The following LRRC37A2 variants were observed in gnomAD, a reference collection of about 807,000 sequenced individuals.
LRRC37A2 encodes leucine-rich repeat-containing protein 37A2.
LRRC37A2 carries 9 observed loss-of-function variants against 68.8 expected under a neutral mutation model. The observed-to-expected ratio is 0.13, with a 90% CI of 0.08 to 0.23. The LOEUF is 0.23. LRRC37A2 is among the 10% of genes least tolerant of loss of function. The probability of loss-of-function intolerance (pLI) is 1.00; values close to 1 mark genes in which losing one functional copy is unlikely to be tolerated. For missense variants in LRRC37A2, 168 were observed against 950.4 expected, an observed-to-expected ratio of 0.18 and a Z score of 10.82; for synonymous variants, 63 against 367.6, an observed-to-expected ratio of 0.17 and a Z score of 9.48.
chr17:46,825,789 C>G, the LRRC37A2 span, among the ~76,000 whole-genome samples: 2 of 152,136 alleles, frequency 1.3e-5, no homozygotes, highest in South Asian at 4.1e-4. Flanking sequence ...TTTGGGAGGC[C>G]GAGGTGGGCG....
chr17:47,013,363 C>T, the LRRC37A2 span, among the ~76,000 whole-genome samples: 1 of 152,200 alleles, frequency 6.6e-6, no homozygotes, highest in African/African-American at 2.4e-5. Flanking sequence ...AATTATATCT[C>T]AATAAAGCTG....
the LRRC37A2 span, among the ~76,000 whole-genome samples, chr17:46,691,787 C>G: frequency 6.6e-6 from 1 of 151,516 alleles, no homozygotes. Context: ...GAGTCTCACT[C>G]TGTCGCCCAG....
At chr17:46,826,077 G>A in the LRRC37A2 span, among the ~76,000 whole-genome samples, 6 of 152,240 alleles carry the variant, frequency 3.9e-5, no homozygotes, top group Non-Finnish European at 8.8e-5. Context: ...CTCCATCTCA[G>A]GGGTCTTGCG....
chr17:46,973,938 G>C, the LRRC37A2 span, among the ~76,000 whole-genome samples: 1 of 152,288 alleles, frequency 6.6e-6, no homozygotes, highest in South Asian at 2.1e-4. Context: ...AAAGCTCAAG[G>C]CTTCTTTCCA....
At chr17:46,730,907 G>C in the LRRC37A2 span, among the ~76,000 whole-genome samples, 1 of 152,136 alleles carries the variant, frequency 6.6e-6, no homozygotes, top group African/African-American at 2.4e-5. Flanking sequence ...AAAAAGTCAG[G>C]TAATGACAAG....
chr17:46,911,973 G>C, the LRRC37A2 span, among the ~76,000 whole-genome samples: 2 of 152,204 alleles, frequency 1.3e-5, no homozygotes, highest in African/African-American at 4.8e-5. Flanking sequence ...TGAGAGCCCA[G>C]AGTGACCAAT....
chr17:46,838,438 G>A, the LRRC37A2 span, among the ~76,000 whole-genome samples: 1 of 151,928 alleles, frequency 6.6e-6, no homozygotes, highest in Non-Finnish European at 1.5e-5. Flanking sequence ...ACCAGCCTGG[G>A]CAACATACTG....
chr17:46,631,084 A>ACACACACACACACACACACACACACACG, the LRRC37A2 span, among the ~76,000 whole-genome samples: 1 of 145,586 alleles, frequency 6.9e-6, no homozygotes, highest in Admixed American at 6.7e-5. Context: ...ACACACACAC[A>ACACACACACACACACACACACACACACG]CACACACACA....
At chr17:46,847,836 T>C in the LRRC37A2 span, among the ~76,000 whole-genome samples, 1 of 152,104 alleles carries the variant, frequency 6.6e-6, no homozygotes, top group Non-Finnish European at 1.5e-5. Context: ...CCTGAGGGTT[T>C]GTTTCAGGCA....
At chr17:46,722,739 TG>T in the LRRC37A2 span, among the ~76,000 whole-genome samples, 3 of 152,036 alleles carry the variant, frequency 2.0e-5, no homozygotes, top group Non-Finnish European at 4.4e-5. Flanking sequence ...AGGAAGAAAA[TG>T]TACGTGTGAG....
At chr17:46,923,632 G>A in the LRRC37A2 span, 13 of 1,188,136 alleles carry the variant, frequency 1.1e-5, no homozygotes, top group South Asian at 4.2e-5. Flanking sequence ...GGAGAGTCAG[G>A]GCACGTACGG....
At chr17:47,003,620 T>G in the LRRC37A2 span, among the ~76,000 whole-genome samples, 1 of 152,208 alleles carries the variant, frequency 6.6e-6, no homozygotes, top group Non-Finnish European at 1.5e-5. Flanking sequence ...TGGGGTAGCA[T>G]GTTCTTTTTT....
the LRRC37A2 span, among the ~76,000 whole-genome samples, chr17:46,823,188 T>TTATATA: frequency 1.6e-5 from 2 of 125,932 alleles, no homozygotes; most frequent in Admixed American, 9.1e-5. Flanking sequence ...ATATAATATA[T>TTATATA]TATATATATT....
At chr17:46,965,666 A>G in the LRRC37A2 span, among the ~76,000 whole-genome samples, 217 of 152,080 alleles carry the variant, frequency 1.4e-3, 2 homozygotes, top group East Asian at 0.033. Context: ...TTTGTCACCT[A>G]GGCTGGAGTG....
At chr17:46,945,357 T>C in the LRRC37A2 span, among the ~76,000 whole-genome samples, 53 of 152,278 alleles carry the variant, frequency 3.5e-4, no homozygotes, top group African/African-American at 1.3e-3. Flanking sequence ...GGTGTGGGTG[T>C]GGACAAGCCC....
the LRRC37A2 span, among the ~76,000 whole-genome samples, chr17:46,802,442 AT>A: frequency 1.3e-5 from 2 of 152,024 alleles, 1 homozygote; most frequent in South Asian, 4.2e-4. Context: ...ATTTTTTTGT[AT>A]TTTTAGTAGA....
At chr17:46,948,811 G>A in the LRRC37A2 span, 1 of 152,332 alleles carries the variant, frequency 6.6e-6, no homozygotes, top group African/African-American at 2.4e-5. Context: ...TCAAGGCTGG[G>A]CTTGGGACTG....
chr17:46,710,594 G>C, the LRRC37A2 span, among the ~76,000 whole-genome samples: 1 of 152,266 alleles, frequency 6.6e-6, no homozygotes, highest in East Asian at 1.9e-4. Context: ...CTATTGCGCT[G>C]TTTCTAAGTC....
chr17:46,960,952 C>G, the LRRC37A2 span, among the ~76,000 whole-genome samples: 1 of 151,808 alleles, frequency 6.6e-6, no homozygotes, highest in Non-Finnish European at 1.5e-5. Context: ...ATATAGTGCT[C>G]TACGTCAAAA....
Sources: allele counts gnomAD v4.1 joint callset (sites outside exome capture counted in the v4.1 genomes callset), GRCh38; gene constraint gnomAD v4.1.1; transcripts MANE v1.5; gene names NCBI Gene and HGNC (gene_info 2026-07-23, HGNC 2026-07-21).